Variants in OTC observed in about 807,000 individuals in gnomAD.
OTC encodes the protein ornithine transcarbamylase, mitochondrial.
OTC carries 3 observed loss-of-function variants against 30.3 expected under a neutral mutation model. The observed-to-expected ratio is 0.10, with a 90% CI of 0.05 to 0.26. OTC has a LOEUF of 0.26. Among genes scored for constraint, OTC ranks in the 10% least tolerant of loss-of-function variants. OTC has a pLI of 1.00. For missense variants in OTC, 194 were observed against 260.3 expected (o/e 0.75, Z 1.75); for synonymous variants, 111 against 99.7 (o/e 1.11, Z -0.67).
At chrX:38,360,164 G>A (rs1245710293) in intron 1 of OTC, among the ~76,000 whole-genome samples, 1 of 109,883 alleles carries the variant, frequency 9.1e-6, no homozygotes, top group Non-Finnish European at 1.9e-5. Flanking sequence ...CAAGTGATCC[G>A]CCCGCCTCGT....
At chrX:38,392,934 A>C (rs1278869549) in intron 4 of OTC, among the ~76,000 whole-genome samples, 2 of 112,257 alleles carry the variant, frequency 1.8e-5, no homozygotes, top group Non-Finnish European at 3.8e-5. Context: ...AACATTTAGC[A>C]TTTTTTAAAC....
chrX:38,399,668 AC>A (rs917835029), intron 4 of OTC, among the ~76,000 whole-genome samples: 1 of 110,769 alleles, frequency 9.0e-6, no homozygotes. Flanking sequence ...AATCGATTGT[AC>A]CTGGGAGGAG....
At chrX:38,334,088 T>A in the OTC span, among the ~76,000 whole-genome samples, 1 of 112,302 alleles carries the variant, frequency 8.9e-6, no homozygotes, top group Non-Finnish European at 1.9e-5. Flanking sequence ...GAGGTGTCTG[T>A]GACAGCAGTT....
intron 3 of OTC, among the ~76,000 whole-genome samples, chrX:38,375,313 T>C (rs2068341342): frequency 8.9e-6 from 1 of 112,093 alleles, no homozygotes. Flanking sequence ...CTTTGGCTTT[T>C]TGGGGAATCG....
the OTC span, among the ~76,000 whole-genome samples, chrX:38,340,451 GTTTTTTTGTTTTTT>G: frequency 4.6e-4 from 17 of 36,983 alleles, no homozygotes; most frequent in South Asian, 6.6e-3. Flanking sequence ...TCCCTTCATT[GTTTTTTTGTTTTTT>G]TTTTTTTGTT....
intron 9 of OTC, among the ~76,000 whole-genome samples, chrX:38,414,009 C>T (rs1051500890): frequency 9.0e-6 from 1 of 111,131 alleles, no homozygotes; most frequent in Non-Finnish European, 1.9e-5. Context: ...TTGCAGGTGC[C>T]ACCATCCTGC....
chrX:38,402,907 C>A (rs186704117), intron 5 of OTC, among the ~76,000 whole-genome samples: 1 of 110,845 alleles, frequency 9.0e-6, no homozygotes, highest in Non-Finnish European at 1.9e-5. Context: ...CTCCGCCTCC[C>A]GGGTTCAAGC....
chrX:38,396,899 C>T (rs899627502), intron 4 of OTC, among the ~76,000 whole-genome samples: 2 of 112,122 alleles, frequency 1.8e-5, no homozygotes, highest in African/African-American at 3.2e-5. Flanking sequence ...CCGCTGGACT[C>T]CTTTTCTAGT....
At chrX:38,393,785 T>C (rs1487963068) in intron 4 of OTC, among the ~76,000 whole-genome samples, 3 of 112,417 alleles carry the variant, frequency 2.7e-5, no homozygotes, top group African/African-American at 9.7e-5. Context: ...TACAAATATA[T>C]TATCTTACAG....
At chrX:38,366,402 G>A (rs768929876) in intron 1 of OTC, among the ~76,000 whole-genome samples, 16 of 111,479 alleles carry the variant, frequency 1.4e-4, no homozygotes, top group African/African-American at 5.2e-4. Flanking sequence ...AAGTTACAGC[G>A]TCCATTGTAT....
At chrX:38,409,136 A>T in intron 8 of OTC, 111 bp downstream of exon 8, 1 of 803,064 alleles carries the variant, frequency 1.2e-6, no homozygotes, top group Non-Finnish European at 1.9e-6. Context: ...TTCCCTATAA[A>T]AGGACTCACT....
At chrX:38,372,222 G>A (rs1469442695) in intron 3 of OTC, among the ~76,000 whole-genome samples, 15 of 110,819 alleles carry the variant, frequency 1.4e-4, no homozygotes, top group Non-Finnish European at 2.5e-4. Context: ...TAAGTTTTTG[G>A]AGGCAGACCC....
intron 4 of OTC, among the ~76,000 whole-genome samples, chrX:38,393,339 G>A (rs897350137): frequency 5.4e-5 from 6 of 112,126 alleles, no homozygotes; most frequent in African/African-American, 1.9e-4. Context: ...TTACATAGCC[G>A]ATTATTATTT....
chrX:38,411,796 C>T (rs2068544163), intron 8 of OTC, 66 bp from the exon 9 acceptor site: 1 of 1,075,315 alleles, frequency 9.3e-7, no homozygotes, highest in East Asian at 3.0e-5. Flanking sequence ...TTTTTAGATA[C>T]TGAAGAAAAC....
chrX:38,369,148 C>A (rs759410831), intron 2 of OTC, among the ~76,000 whole-genome samples: 4 of 110,664 alleles, frequency 3.6e-5, no homozygotes, highest in Non-Finnish European at 7.6e-5. Flanking sequence ...CAAACACCTT[C>A]GAGGTCATTG....
intron 1 of OTC, among the ~76,000 whole-genome samples, chrX:38,354,661 G>A (rs1239701196): frequency 9.0e-6 from 1 of 110,722 alleles, no homozygotes; most frequent in Non-Finnish European, 1.9e-5. Context: ...TGGCTAAATC[G>A]GCCCAAATCC....
Position 38,352,762 on chromosome X carries a change from T to C in OTC, c.66T>C (p.Val22=), listed in dbSNP as rs1237799169. Residue 22 remains valine, a synonymous_variant, in exon 1 of 10, where the codon GTT becomes GTC. Coordinates refer to ENST00000039007, the MANE Select transcript of OTC (RefSeq NM_000531.6). ...AAFRNGHNFM[V]RNFRCGQPLQ... ...TTAGAAATGGTCACAACTTCATGGT[T>C]CGAAATTTTCGGTAAGTGATGGTCA... 1 of 1,199,180 alleles carries C rather than the reference T, an allele frequency of 8.3e-7. No homozygotes were observed. The highest frequency in any genetic ancestry group is 3.0e-5 in the East Asian group (1 of 33,812).
chrX:38,339,056 G>A, the OTC span, among the ~76,000 whole-genome samples: 2 of 111,913 alleles, frequency 1.8e-5, no homozygotes, highest in East Asian at 5.6e-4. Flanking sequence ...GTTGGGGGGT[G>A]GGTTCGGATG....
chrX:38,346,982 T>G, the OTC span, among the ~76,000 whole-genome samples: 155 of 112,508 alleles, frequency 1.4e-3, 1 homozygote, highest in Non-Finnish European at 1.7e-3. Flanking sequence ...ACATATCAAG[T>G]ACATTCATTT....
Sources: gnomAD v4.1 joint callset for allele counts (sites outside exome capture counted in the v4.1 genomes callset) on GRCh38, gnomAD v4.1.1 for gene constraint, MANE v1.5 for transcripts, NCBI Gene and HGNC (gene_info 2026-07-23, HGNC 2026-07-21) for gene names.